PRDM2: variants seen among roughly 807,000 people sequenced by gnomAD.
The protein encoded by PRDM2 is PR domain zinc finger protein 2.
PRDM2 carries 30 observed loss-of-function variants against 130.0 expected under a neutral mutation model. That is an observed-to-expected ratio of 0.23 (90% CI 0.17 to 0.31). The LOEUF is 0.31. PRDM2 is among the 10% of genes least tolerant of loss of function. The probability of loss-of-function intolerance (pLI) is 1.00; values close to 1 mark genes in which losing one functional copy is unlikely to be tolerated. For synonymous variants in PRDM2, 871 were observed against 782.4 expected (o/e 1.11, Z -1.89); for missense variants, 2,011 against 2,108.4 (o/e 0.95, Z 0.90).
chr1:13,811,384 G>A (rs374516050), intron 8 of PRDM2, among the ~76,000 whole-genome samples: 2 of 152,102 alleles, frequency 1.3e-5, no homozygotes, highest in African/African-American at 2.4e-5. Flanking sequence ...CACTGTGCTC[G>A]CCCCCTGCTG....
chr1:13,780,668 C>G lies in PRDM2; in HGVS notation c.2873C>G (p.Ser958Cys). 1 of 1,611,554 alleles carries G rather than the reference C, an allele frequency of 6.2e-7. No homozygotes were observed. The highest frequency in any genetic ancestry group is 2.2e-5 in the East Asian group (1 of 44,836). The change falls in exon 8 of 10, where the codon TCC (serine) becomes TGC (cysteine). Residue 958 changes from serine to cysteine, a missense_variant. Physicochemically the swap from Ser to Cys is moderately radical, Grantham distance 112 (BLOSUM62 -1). Transcript: ENST00000311066. Reference protein sequence around the residue: ...SPALQTPSLSSGQLPPLLIPT... With the variant: ...SPALQTPSLSCGQLPPLLIPT... ...GCCCTGCAGACACCCTCCCTTTCAT[C>G]CGGTCAGCTGCCTCCTCTCTTGATC...
intron 8 of PRDM2, among the ~76,000 whole-genome samples, chr1:13,789,917 T>C (rs985975970): frequency 6.6e-6 from 1 of 152,236 alleles, no homozygotes; most frequent in Non-Finnish European, 1.5e-5. Context: ...ATGGCACCAC[T>C]CCTGCAGCTG....
At chr1:13,799,110 G>T (rs1557667498) in intron 8 of PRDM2, among the ~76,000 whole-genome samples, 1 of 152,140 alleles carries the variant, frequency 6.6e-6, no homozygotes, top group Non-Finnish European at 1.5e-5. Context: ...TCGTCACTAA[G>T]TCCGGCATGT....
At chr1:13,800,263 G>T (rs1644986343) in intron 8 of PRDM2, among the ~76,000 whole-genome samples, 1 of 152,186 alleles carries the variant, frequency 6.6e-6, no homozygotes, top group Non-Finnish European at 1.5e-5. Flanking sequence ...GCTAGGGAGA[G>T]AAATAAAACA....
At chr1:13,804,115 A>T (rs578122929) in intron 8 of PRDM2, among the ~76,000 whole-genome samples, 40 of 152,206 alleles carry the variant, frequency 2.6e-4, no homozygotes, top group African/African-American at 9.4e-4. Flanking sequence ...CTCTGCCATA[A>T]AAAGGGTATA....
intron 8 of PRDM2, 76 bp from the exon 9 acceptor site, chr1:13,816,351 G>T (rs1645256638): frequency 1.9e-6 from 3 of 1,566,290 alleles, no homozygotes; most frequent in Non-Finnish European, 2.6e-6. Context: ...CCAGCACTAA[G>T]GAAGCCCCCC....
chr1:13,790,609 T>C (rs1644824091), intron 8 of PRDM2, among the ~76,000 whole-genome samples: 1 of 151,946 alleles, frequency 6.6e-6, no homozygotes, highest in Non-Finnish European at 1.5e-5. Flanking sequence ...ATAAGAAAAA[T>C]AAAGGTCCAG....
chr1:13,823,249 G>A lies in PRDM2; in HGVS notation c.*114G>A, dbSNP rs191719571. On this transcript the variant is annotated 3_prime_UTR_variant, in exon 10 of 10. Transcript: ENST00000311066. ...ACCTATCCCAGTTGTGTGAGGCTGC[G>A]AGAGAAAGGGAGTGCATGTGCGCGC... 217 of 1,551,972 alleles carry A rather than the reference G, an allele frequency of 1.4e-4. No individual in the cohort carries two copies. The highest frequency in any genetic ancestry group is 1.8e-4 in the Non-Finnish European group (200 of 1,126,240).
chr1:13,714,893 A>G (rs1020945034), intron 1 of PRDM2, among the ~76,000 whole-genome samples: 6 of 152,244 alleles, frequency 3.9e-5, no homozygotes, highest in African/African-American at 1.4e-4. Flanking sequence ...TTCAGAGATT[A>G]TTATTTAGAA....
intron 1 of PRDM2, among the ~76,000 whole-genome samples, chr1:13,710,258 A>G (rs1642328422): frequency 1.3e-5 from 2 of 152,204 alleles, no homozygotes; most frequent in Admixed American, 1.3e-4. Context: ...TGACCCAGGG[A>G]AAGGGCTGTC....
chr1:13,754,514 T>G (rs1643904109), intron 6 of PRDM2, among the ~76,000 whole-genome samples: 1 of 152,208 alleles, frequency 6.6e-6, no homozygotes, highest in Non-Finnish European at 1.5e-5. Flanking sequence ...CTACATAATG[T>G]GGAGCTTTTT....
chr1:13,711,967 A>T (rs1406307741), intron 1 of PRDM2, among the ~76,000 whole-genome samples: 2 of 151,404 alleles, frequency 1.3e-5, no homozygotes, highest in Non-Finnish European at 2.9e-5. Flanking sequence ...ATTATTAATT[A>T]TGTAGCAGTC....
At chr1:13,732,741 C>A in intron 3 of PRDM2, 38 bp from the exon 4 acceptor site, 3 of 1,402,784 alleles carry the variant, frequency 2.1e-6, no homozygotes, top group South Asian at 1.3e-5. Context: ...TTTAAAATAA[C>A]CATGATACAT....
intron 2 of PRDM2, among the ~76,000 whole-genome samples, chr1:13,717,157 C>G (rs1478263018): frequency 6.6e-6 from 1 of 152,098 alleles, no homozygotes; most frequent in African/African-American, 2.4e-5. Context: ...CACATGCTTT[C>G]TATTATTTTA....
At chr1:13,767,785 G>A (rs1423184748) in intron 6 of PRDM2, among the ~76,000 whole-genome samples, 1 of 151,950 alleles carries the variant, frequency 6.6e-6, no homozygotes, top group African/African-American at 2.4e-5. Context: ...GACCAGCCTG[G>A]ACAACAGCAA....
rs750635108 is a variant in PRDM2 at position 13,731,037 on chromosome 1, C to T, written c.47C>T (p.Ala16Val). Reference protein sequence around the residue: ...TEPVAATETLAEVPEHVLRGL... With the variant: ...TEPVAATETLVEVPEHVLRGL... ...CCTGTGGCGGCCACCGAGACCCTGG[C>T]TGAGGTACCCGAACATGTGCTGCGA... Residue 16 changes from alanine (A) to valine (V), a missense_variant, in exon 3 of 10, where the codon GCT (alanine) becomes GTT (valine). Coordinates refer to ENST00000311066, the MANE Select transcript of PRDM2 (RefSeq NM_001393986.1). 6.2e-7 allele frequency: 1 copy of T among 1,612,082 alleles called. No individual in the cohort carries two copies. Among genetic ancestry groups the T allele is most frequent in the South Asian group, 1.1e-5 (1 of 90,962 alleles).
At chr1:13,739,245 C>T (rs933898104) in intron 4 of PRDM2, among the ~76,000 whole-genome samples, 1 of 152,106 alleles carries the variant, frequency 6.6e-6, no homozygotes, top group Non-Finnish European at 1.5e-5. Context: ...GATGGGGTTT[C>T]ACCGTGTTAG....
intron 2 of PRDM2, among the ~76,000 whole-genome samples, chr1:13,723,600 T>C (rs970888774): frequency 6.6e-6 from 1 of 152,198 alleles, no homozygotes; most frequent in Admixed American, 6.5e-5. Context: ...GCTTGGTGCC[T>C]CTTTGGCTCT....
rs1219730406 is a variant in PRDM2, at chr1:13,789,284, C to CCTT, written c.5036+6454_5036+6456dup. On this transcript the variant is annotated intron_variant, in intron 8 of 9. Coordinates refer to ENST00000311066, the MANE Select transcript of PRDM2 (RefSeq NM_001393986.1). ...CATTTCACAGTGTTTCTGGTAAATGCCTTGCTAGGCTGGCTGTCTTGTCCT... is the reference window on the plus strand; with the variant it reads ...CATTTCACAGTGTTTCTGGTAAATGCCTTCTTGCTAGGCTGGCTGTCTTGTCCT... Among the ~76,000 whole-genome samples, 6 of 152,338 alleles carry CCTT rather than the reference C, an allele frequency of 3.9e-5. No individual in the cohort carries two copies. The East Asian group carries it at 1.2e-3, about 29-fold the overall frequency.
Sources: gnomAD v4.1 joint callset for allele counts (sites outside exome capture counted in the v4.1 genomes callset) on GRCh38, gnomAD v4.1.1 for gene constraint, MANE v1.5 for transcripts, NCBI Gene and HGNC (gene_info 2026-07-23, HGNC 2026-07-21) for gene names.